Variants in DDX10 observed in about 807,000 individuals in gnomAD.
DDX10 encodes the protein DEAD-box helicase 10.
Under a neutral mutation model 104.3 loss-of-function variants are expected in DDX10, and 74 were observed. That is an observed-to-expected ratio of 0.71 (90% confidence interval 0.59 to 0.86). DDX10 has a LOEUF of 0.86. DDX10 is among the 40% of genes least tolerant of loss of function. The pLI, the probability that DDX10 is intolerant of heterozygous loss-of-function variation, is 0.00. For missense variants in DDX10, 952 were observed against 1,040.0 expected (o/e 0.92, Z 1.16); for synonymous variants, 351 against 353.4 (o/e 0.99, Z 0.08).
intron 9 of DDX10, among the ~76,000 whole-genome samples, chr11:108,704,413 G>A (rs115518134): frequency 0.016 from 2,469 of 152,242 alleles, 68 homozygotes; most frequent in African/African-American, 0.056. Flanking sequence ...AAGGTAATTC[G>A]CTTAACCTCA....
At chr11:108,815,002 TGGAAGTATAA>T (rs1196754782) in intron 13 of DDX10, among the ~76,000 whole-genome samples, 1 of 152,244 alleles carries the variant, frequency 6.6e-6, no homozygotes, top group East Asian at 1.9e-4. Flanking sequence ...AGAGCTAATC[TGGAAGTATAA>T]GTAGGAATGT....
At chr11:108,716,335 A>G (rs987222150) in intron 11 of DDX10, among the ~76,000 whole-genome samples, 4 of 152,190 alleles carry the variant, frequency 2.6e-5, no homozygotes, top group Non-Finnish European at 5.9e-5. Context: ...TCCTGAGCTC[A>G]GGTGAACTGC....
chr11:108,845,802 A>C (rs1437457378), intron 15 of DDX10, among the ~76,000 whole-genome samples: 2 of 152,112 alleles, frequency 1.3e-5, no homozygotes, highest in Non-Finnish European at 2.9e-5. Flanking sequence ...ATTTGGTTTA[A>C]AGGATAGGAT....
At chr11:108,934,753 C>T (rs1303986903) in intron 17 of DDX10, among the ~76,000 whole-genome samples, 1 of 152,194 alleles carries the variant, frequency 6.6e-6, no homozygotes, top group African/African-American at 2.4e-5. Context: ...AAACAAGTTA[C>T]TGGGTTTAGC....
intron 6 of DDX10, among the ~76,000 whole-genome samples, chr11:108,681,232 T>A (rs979209419): frequency 1.3e-5 from 2 of 152,194 alleles, no homozygotes; most frequent in Non-Finnish European, 2.9e-5. Context: ...TTGGTTATTT[T>A]CTGTAAATTA....
intron 13 of DDX10, among the ~76,000 whole-genome samples, chr11:108,724,291 AAAAC>A (rs2094302474): frequency 6.6e-6 from 1 of 152,126 alleles, no homozygotes; most frequent in South Asian, 2.1e-4. Flanking sequence ...AATTAAAAAA[AAAAC>A]CTAGAAAATG....
intron 13 of DDX10, among the ~76,000 whole-genome samples, chr11:108,833,756 T>A (rs921457935): frequency 6.6e-6 from 1 of 151,882 alleles, no homozygotes; most frequent in African/African-American, 2.4e-5. Context: ...TGCAGGATTG[T>A]TTTTTTTGAC....
chr11:108,795,425 T>G (rs1861927909), intron 13 of DDX10, among the ~76,000 whole-genome samples: 1 of 151,934 alleles, frequency 6.6e-6, no homozygotes. Flanking sequence ...ATGTGCCATG[T>G]TGGTGTGCTG....
rs80296024 is a variant in DDX10 at position 108,757,126 on chromosome 11, C to T, written c.1965+33664C>T. 6.8e-3 allele frequency among the ~76,000 whole-genome samples: 1,029 copies of T among 152,056 alleles called. 12 individuals carry two copies. The highest frequency in any genetic ancestry group is 0.023 in the African/African-American group (964 of 41,504). ...GCTGAGGAAGGCGCTGTAAAGTCTC[C>T]CTTCTCTCCCCACAAATAATTCCTC... On this transcript the variant is annotated intron_variant, in intron 13 of 17. Transcript: ENST00000322536.
At chr11:108,743,013 G>C (rs569386596) in intron 13 of DDX10, among the ~76,000 whole-genome samples, 1 of 152,050 alleles carries the variant, frequency 6.6e-6, no homozygotes, top group Non-Finnish European at 1.5e-5. Flanking sequence ...GAGGAGAAGG[G>C]ACCTCCTCCT....
At chr11:108,810,647 T>C (rs1862166822) in intron 13 of DDX10, among the ~76,000 whole-genome samples, 1 of 152,234 alleles carries the variant, frequency 6.6e-6, no homozygotes, top group South Asian at 2.1e-4. Context: ...TAAATGTTTA[T>C]GTTTCAACGG....
intron 13 of DDX10, among the ~76,000 whole-genome samples, chr11:108,747,901 A>G (rs2094333768): frequency 6.6e-6 from 1 of 152,106 alleles, no homozygotes; most frequent in Non-Finnish European, 1.5e-5. Flanking sequence ...TTGTCTTCCT[A>G]GGTACAGTAT....
At position 108,774,552 on chromosome 11, in the gene DDX10, G is replaced by GT. The variant is rs548670851; in HGVS notation, c.1965+51099dup. Among the ~76,000 whole-genome samples, 25 of 150,820 alleles carry GT rather than the reference G, an allele frequency of 1.7e-4. No homozygotes were observed. The East Asian group carries it at 2.5e-3, about 15-fold the overall frequency. ...GGTTTTGAAACATACCTGAGGTATTGTTTTTTTTTCCTTGCAATTCCTGGA... is the reference window on the plus strand; with the variant it reads ...GGTTTTGAAACATACCTGAGGTATTGTTTTTTTTTTCCTTGCAATTCCTGGA... On this transcript the variant is annotated intron_variant, in intron 13 of 17. Coordinates refer to ENST00000322536, the MANE Select transcript of DDX10 (RefSeq NM_004398.4).
intron 6 of DDX10, among the ~76,000 whole-genome samples, chr11:108,680,855 C>A (rs1043381254): frequency 4.6e-5 from 7 of 152,162 alleles, no homozygotes. Context: ...AGGCCAGATT[C>A]TTTGCTTCTG....
chr11:108,936,235 G>T (rs546351234), intron 17 of DDX10, among the ~76,000 whole-genome samples: 1 of 152,228 alleles, frequency 6.6e-6, no homozygotes, highest in South Asian at 2.1e-4. Context: ...TTTTTTCTCT[G>T]TTGTATGATA....
chr11:108,933,706 A>G (rs1253006065), intron 17 of DDX10, among the ~76,000 whole-genome samples: 1 of 152,220 alleles, frequency 6.6e-6, no homozygotes, highest in Non-Finnish European at 1.5e-5. Flanking sequence ...AATTAATGAT[A>G]CAGTGTTTAG....
chr11:108,919,307 T>C (rs1333121821), intron 17 of DDX10: 1 of 152,214 alleles, frequency 6.6e-6, no homozygotes, highest in Non-Finnish European at 1.5e-5. Context: ...AAAAATAATT[T>C]GATTAGGATT....
chr11:108,898,916 T>C (rs1461387488), intron 16 of DDX10, among the ~76,000 whole-genome samples: 1 of 152,170 alleles, frequency 6.6e-6, no homozygotes, highest in Non-Finnish European at 1.5e-5. Flanking sequence ...AAAAGGTAGA[T>C]TAATAGAAGA....
At chr11:108,929,550 A>G (rs1030451490) in intron 17 of DDX10, 1 of 152,148 alleles carries the variant, frequency 6.6e-6, no homozygotes, top group African/African-American at 2.4e-5. Flanking sequence ...CCTGATTGTG[A>G]TACTGACTTC....
Sources: allele counts gnomAD v4.1 joint callset (sites outside exome capture counted in the v4.1 genomes callset), GRCh38; gene constraint gnomAD v4.1.1; transcripts MANE v1.5; gene names NCBI Gene and HGNC (gene_info 2026-07-23, HGNC 2026-07-21).